RAD51B: variants seen among roughly 807,000 people sequenced by gnomAD.
RAD51B encodes RAD51 paralog B.
A neutral mutation model predicts 42.2 loss-of-function variants in RAD51B; 38 were observed. That is an observed-to-expected ratio of 0.90 (90% CI 0.70 to 1.18). RAD51B has a LOEUF of 1.18. RAD51B is among the 50% of genes most tolerant of loss of function. The pLI is 0.00. For synonymous variants in RAD51B, 154 were observed against 145.2 expected (o/e 1.06, Z -0.43); for missense variants, 373 against 400.7 (o/e 0.93, Z 0.59).
intron 8 of RAD51B, among the ~76,000 whole-genome samples, chr14:68,337,100 C>G (rs925525056): frequency 3.9e-5 from 6 of 152,110 alleles, no homozygotes; most frequent in Non-Finnish European, 8.8e-5. Context: ...ATCTTGCTGT[C>G]AGATGAATAT....
intron 11 of RAD51B, among the ~76,000 whole-genome samples, chr14:68,655,212 T>C (rs1172687505): frequency 6.6e-6 from 1 of 152,102 alleles, no homozygotes; most frequent in Non-Finnish European, 1.5e-5. Context: ...TGGTGATCTC[T>C]CTCTCTCTCA....
At chr14:68,323,390 C>G (rs1057176750) in intron 8 of RAD51B, among the ~76,000 whole-genome samples, 5 of 152,162 alleles carry the variant, frequency 3.3e-5, no homozygotes, top group African/African-American at 1.2e-4. Flanking sequence ...CTGGGCTGAG[C>G]CCCCACTTGT....
chr14:68,641,265 T>C (rs1259355805), intron 10 of RAD51B, among the ~76,000 whole-genome samples: 1 of 152,218 alleles, frequency 6.6e-6, no homozygotes, highest in Non-Finnish European at 1.5e-5. Context: ...TTGTTCACTG[T>C]TGGTATATAG....
chr14:68,441,809 G>A (rs1490341683), intron 9 of RAD51B, among the ~76,000 whole-genome samples: 1 of 152,152 alleles, frequency 6.6e-6, no homozygotes, highest in Non-Finnish European at 1.5e-5. Flanking sequence ...AAGAAGCAAT[G>A]CCATGCTATA....
intron 7 of RAD51B, among the ~76,000 whole-genome samples, chr14:68,038,550 A>G (rs2076168840): frequency 6.6e-6 from 1 of 152,232 alleles, no homozygotes; most frequent in Non-Finnish European, 1.5e-5. Flanking sequence ...GGCTATATAA[A>G]ATATACAAAT....
chr14:68,336,201 G>T (rs562334983), intron 8 of RAD51B, among the ~76,000 whole-genome samples: 1 of 152,128 alleles, frequency 6.6e-6, no homozygotes, highest in African/African-American at 2.4e-5. Flanking sequence ...TGGAGAACAA[G>T]CTATTAAGGA....
intron 9 of RAD51B, among the ~76,000 whole-genome samples, chr14:68,456,535 A>C (rs546907110): frequency 4.7e-4 from 72 of 152,368 alleles, no homozygotes; most frequent in Middle Eastern, 3.4e-3. Context: ...TCAGGAAGAC[A>C]TAACTATAAA....
intron 4 of RAD51B, among the ~76,000 whole-genome samples, chr14:67,854,953 G>A (rs1158029472): frequency 6.6e-6 from 1 of 152,180 alleles, no homozygotes; most frequent in Non-Finnish European, 1.5e-5. Context: ...GTGAGATCCT[G>A]TATCTTAAAA....
chr14:68,010,547 G>A (rs899196909), intron 7 of RAD51B, among the ~76,000 whole-genome samples: 17 of 151,728 alleles, frequency 1.1e-4, no homozygotes, highest in Admixed American at 1.1e-3. Context: ...TAGAGTAATG[G>A]ATTCTGTTTT....
chr14:68,282,806 GT>G (rs1566783203), intron 7 of RAD51B, among the ~76,000 whole-genome samples: 3 of 152,126 alleles, frequency 2.0e-5, no homozygotes, highest in Admixed American at 1.3e-4. Flanking sequence ...GCCCTTGGTG[GT>G]TAGGATGCCA....
At chr14:68,039,082 A>G (rs918033425) in intron 7 of RAD51B, among the ~76,000 whole-genome samples, 3 of 152,138 alleles carry the variant, frequency 2.0e-5, no homozygotes, top group Non-Finnish European at 4.4e-5. Context: ...TGTTTTGCTG[A>G]TTGTCTAGAC....
At position 67,865,227 on chromosome 14, in the gene RAD51B, C is replaced by A. The variant is rs189232018; in HGVS notation, c.452+88C>A. 3.2e-3 allele frequency: 3,886 copies of A among 1,216,540 alleles called. 19 individuals are homozygous for A. Among genetic ancestry groups the A allele is most frequent in the Admixed American group, 3.0e-3 (95 of 31,994 alleles). The allele number at this position is 1,216,540 out of a possible 1,614,324, so 75.4% of individuals were successfully genotyped here. On this transcript the variant is annotated intron_variant, in intron 5 of 10. Coordinates refer to ENST00000471583, the MANE Select transcript of RAD51B (RefSeq NM_133510.4). ...TTTACACATAGGTTAACATTTACCA[C>A]CCCTCCCCCTTGCCTTTTTTTTTTT...
At chr14:68,385,147 C>G (rs528318011) in intron 8 of RAD51B, among the ~76,000 whole-genome samples, 1 of 152,218 alleles carries the variant, frequency 6.6e-6, no homozygotes, top group Admixed American at 6.5e-5. Context: ...GTCCAGGTCT[C>G]GGGGGAACAG....
chr14:68,321,150 T>C (rs989977494), intron 8 of RAD51B, among the ~76,000 whole-genome samples: 1 of 152,114 alleles, frequency 6.6e-6, no homozygotes, highest in African/African-American at 2.4e-5. Flanking sequence ...TAAAAGGAAA[T>C]TGAAACCCTG....
chr14:68,334,627 A>G (rs866266454), intron 8 of RAD51B, among the ~76,000 whole-genome samples: 2 of 152,142 alleles, frequency 1.3e-5, no homozygotes, highest in African/African-American at 4.8e-5. Context: ...CATTATGCAT[A>G]TAGGCCACAT....
At chr14:68,490,158 A>T (rs1451701935) in intron 10 of RAD51B, among the ~76,000 whole-genome samples, 2 of 152,268 alleles carry the variant, frequency 1.3e-5, no homozygotes, top group Non-Finnish European at 2.9e-5. Context: ...TGGAGAATAC[A>T]TTGTTAGCAC....
rs564445350 is a variant in RAD51B at position 67,870,205 on chromosome 14, G to A, written c.452+5066G>A. ...TCAGGAAACCCATCTCACGTGCAGAGACACACATAGGCTCAAAATAAAAGG... is the reference window on the plus strand; with the variant it reads ...TCAGGAAACCCATCTCACGTGCAGAAACACACATAGGCTCAAAATAAAAGG... On this transcript the variant is annotated intron_variant, in intron 5 of 10. Coordinates refer to ENST00000471583, the MANE Select transcript of RAD51B (RefSeq NM_133510.4). Among the ~76,000 whole-genome samples, 4 of 151,690 alleles carry A rather than the reference G, an allele frequency of 2.6e-5. No homozygotes were observed. In the East Asian group the frequency reaches 7.8e-4, roughly 29 times the overall value.
At chr14:68,487,326 G>C (rs1883706703) in intron 10 of RAD51B, among the ~76,000 whole-genome samples, 2 of 152,002 alleles carry the variant, frequency 1.3e-5, no homozygotes, top group Non-Finnish European at 2.9e-5. Context: ...TTCTTATAAA[G>C]ACACTAGTTC....
At chr14:68,271,394 A>G (rs2081101309) in intron 7 of RAD51B, among the ~76,000 whole-genome samples, 1 of 152,246 alleles carries the variant, frequency 6.6e-6, no homozygotes, top group African/African-American at 2.4e-5. Flanking sequence ...TTTGAATCCC[A>G]GCTTTGCTGC....
Sources: allele counts gnomAD v4.1 joint callset (sites outside exome capture counted in the v4.1 genomes callset), GRCh38; gene constraint gnomAD v4.1.1; transcripts MANE v1.5; gene names NCBI Gene and HGNC (gene_info 2026-07-23, HGNC 2026-07-21).